The following C11orf65 variants were observed in gnomAD, a reference collection of about 807,000 sequenced individuals.
The protein encoded by C11orf65 is protein MFI.
Under a neutral mutation model 35.3 loss-of-function variants are expected in C11orf65, and 38 were observed. The observed-to-expected ratio is 1.08, with a 90% CI of 0.83 to 1.41. C11orf65 has a LOEUF of 1.41. Ranked by LOEUF, C11orf65 falls within the 40% of genes most tolerant of loss-of-function variation. The pLI is 0.00. For missense variants in C11orf65, 370 were observed against 367.1 expected, an observed-to-expected ratio of 1.01 and a Z score of -0.06; for synonymous variants, 105 against 114.4, an observed-to-expected ratio of 0.92 and a Z score of 0.53.
At chr11:108,452,237 A>C (rs1174541686) in intron 2 of C11orf65, among the ~76,000 whole-genome samples, 3 of 152,176 alleles carry the variant, frequency 2.0e-5, no homozygotes, top group Admixed American at 1.3e-4. Flanking sequence ...AATGGGAGAA[A>C]ATTTTTCCAA....
intron 2 of C11orf65, among the ~76,000 whole-genome samples, chr11:108,434,429 T>C (rs973252245): frequency 6.6e-6 from 1 of 151,162 alleles, no homozygotes; most frequent in East Asian, 2.0e-4. Context: ...CGCTTGAATC[T>C]GGCAAGCGGA....
chr11:108,446,181 G>A (rs935181701), intron 2 of C11orf65, among the ~76,000 whole-genome samples: 2 of 152,068 alleles, frequency 1.3e-5, no homozygotes, highest in African/African-American at 4.8e-5. Context: ...GTGATGGGGA[G>A]AATGGAACCA....
At chr11:108,425,293 C>A (rs1355439877) in intron 3 of C11orf65, among the ~76,000 whole-genome samples, 1 of 151,942 alleles carries the variant, frequency 6.6e-6, no homozygotes, top group Non-Finnish European at 1.5e-5. Flanking sequence ...CAAATAGATA[C>A]AATAAAAAAT....
intron 2 of C11orf65, among the ~76,000 whole-genome samples, chr11:108,455,673 A>G (rs1459478037): frequency 6.6e-6 from 1 of 152,004 alleles, no homozygotes; most frequent in Non-Finnish European, 1.5e-5. Context: ...AAAATTAGTC[A>G]GGTGTGGCGG....
intron 2 of C11orf65, among the ~76,000 whole-genome samples, chr11:108,373,668 T>G (rs942317429): frequency 6.6e-5 from 10 of 152,262 alleles, no homozygotes; most frequent in South Asian, 2.1e-4. Context: ...TGCCAGACAG[T>G]AGGTGCAGGA....
intron 7 of C11orf65, among the ~76,000 whole-genome samples, chr11:108,388,196 C>A (rs2092059052): frequency 6.6e-6 from 1 of 152,140 alleles, no homozygotes; most frequent in Non-Finnish European, 1.5e-5. Context: ...CAATCTGGGG[C>A]ACAAACACTT....
chr11:108,367,594 G>A (rs1275623087), intron 2 of C11orf65: 1 of 207,440 alleles, frequency 4.8e-6, no homozygotes, highest in African/African-American at 2.3e-5. Context: ...TTAACAAATG[G>A]GTGATTGAGC....
intron 2 of C11orf65, among the ~76,000 whole-genome samples, chr11:108,363,993 T>A (rs2091073508): frequency 6.6e-6 from 1 of 152,162 alleles, no homozygotes; most frequent in South Asian, 2.1e-4. Context: ...AGTGCCCAAC[T>A]TGAAGTCACA....
At chr11:108,405,651 G>C in intron 5 of C11orf65, 92 bp from the exon 6 acceptor site, 1 of 1,271,698 alleles carries the variant, frequency 7.9e-7, no homozygotes. Context: ...TGTTCAGTAG[G>C]AATATGGCAA....
At chr11:108,399,578 T>C (rs530027364) in intron 6 of C11orf65, among the ~76,000 whole-genome samples, 31 of 152,180 alleles carry the variant, frequency 2.0e-4, no homozygotes, top group Non-Finnish European at 2.8e-4. Flanking sequence ...TAACTTGTCA[T>C]GGGGACTTCC....
At chr11:108,461,787 C>A (rs1272275234) in intron 1 of C11orf65, among the ~76,000 whole-genome samples, 3 of 152,040 alleles carry the variant, frequency 2.0e-5, no homozygotes, top group Non-Finnish European at 4.4e-5. Flanking sequence ...ACCATCACAC[C>A]TGGCTTTCTT....
chr11:108,434,196 G>A (rs2093032219), intron 2 of C11orf65, among the ~76,000 whole-genome samples: 1 of 152,078 alleles, frequency 6.6e-6, no homozygotes, highest in Admixed American at 6.6e-5. Flanking sequence ...TGAACAAAGT[G>A]GTCATAGCAG....
At chr11:108,431,652 A>G in intron 3 of C11orf65, 94 bp downstream of exon 3, 1 of 664,810 alleles carries the variant, frequency 1.5e-6, no homozygotes, top group Non-Finnish European at 2.3e-6. Flanking sequence ...AACAGTTTTA[A>G]AAAGAAACAA....
chr11:108,437,992 G>A (rs78864686), intron 2 of C11orf65, among the ~76,000 whole-genome samples: 3,352 of 152,066 alleles, frequency 0.022, 93 homozygotes, highest in African/African-American at 0.069. Context: ...CCATACTTCC[G>A]GATTTCAAAA....
At chr11:108,390,699 A>T (rs979989519) in intron 7 of C11orf65, among the ~76,000 whole-genome samples, 2 of 152,160 alleles carry the variant, frequency 1.3e-5, no homozygotes, top group Admixed American at 6.5e-5. Flanking sequence ...AAGAAAAGTA[A>T]AAGCAAGGCA....
chr11:108,366,316 GCTT>G (rs1336476525), intron 2 of C11orf65: 4 of 210,450 alleles, frequency 1.9e-5, no homozygotes, highest in East Asian at 7.2e-5. Context: ...TATCCATTGG[GCTT>G]CTTCTTTCAG....
chr11:108,383,242 T>C, intron 8 of C11orf65, 67 bp from the exon 9 acceptor site: 2 of 1,313,502 alleles, frequency 1.5e-6, no homozygotes, highest in South Asian at 1.4e-5. Context: ...AAAATGCTAC[T>C]GTGTTGTGGT....
intron 2 of C11orf65, among the ~76,000 whole-genome samples, chr11:108,357,667 A>T (rs2090169240): frequency 6.6e-6 from 1 of 151,724 alleles, no homozygotes; most frequent in African/African-American, 2.4e-5. Context: ...ACTGGGAGGC[A>T]CCCCCCAGCA....
intron 2 of C11orf65, among the ~76,000 whole-genome samples, chr11:108,452,143 A>C (rs2093356291): frequency 6.6e-6 from 1 of 152,196 alleles, no homozygotes; most frequent in Admixed American, 6.5e-5. Context: ...ACAAAAGCCA[A>C]AATTGACAAA....
Sources: allele counts gnomAD v4.1 joint callset (sites outside exome capture counted in the v4.1 genomes callset), GRCh38; gene constraint gnomAD v4.1.1; transcripts MANE v1.5; gene names NCBI Gene and HGNC (gene_info 2026-07-23, HGNC 2026-07-21).